Variants in KIAA0513 observed in about 807,000 individuals in gnomAD.
The protein encoded by KIAA0513 is uncharacterized protein KIAA0513.
A neutral mutation model predicts 56.5 loss-of-function variants in KIAA0513; 39 were observed. The observed-to-expected ratio is 0.69, with a 90% CI of 0.53 to 0.90. The LOEUF is 0.90. KIAA0513 is among the 40% of genes least tolerant of loss of function. The pLI is 0.00. For synonymous variants in KIAA0513, 268 were observed against 215.6 expected (o/e 1.24, Z -2.13); for missense variants, 591 against 535.2 (o/e 1.10, Z -1.03).
chr16:85,065,595 C>T (rs1372728254), intron 1 of KIAA0513, among the ~76,000 whole-genome samples: 1 of 152,250 alleles, frequency 6.6e-6, no homozygotes, highest in African/African-American at 2.4e-5. Flanking sequence ...GAGCATTAAG[C>T]TCTTAAGAGG....
At chr16:85,030,963 C>T (rs751142497) in intron 1 of KIAA0513, among the ~76,000 whole-genome samples, 3 of 152,082 alleles carry the variant, frequency 2.0e-5, no homozygotes, top group Non-Finnish European at 4.4e-5. Flanking sequence ...TGGAATGAAA[C>T]AGGTGATAGT....
At chr16:85,083,803 G>T (rs1378573105) in intron 10 of KIAA0513, among the ~76,000 whole-genome samples, 1 of 152,222 alleles carries the variant, frequency 6.6e-6, no homozygotes, top group African/African-American at 2.4e-5. Context: ...GTGGCAGGGG[G>T]CGAGGTTGGC....
intron 1 of KIAA0513, among the ~76,000 whole-genome samples, chr16:85,042,132 T>C (rs1346065037): frequency 1.3e-5 from 2 of 152,210 alleles, no homozygotes; most frequent in African/African-American, 4.8e-5. Context: ...ATAATTATTG[T>C]AATAACATTC....
chr16:85,088,059 C>T (rs1046681270), intron 12 of KIAA0513, among the ~76,000 whole-genome samples: 4 of 152,262 alleles, frequency 2.6e-5, no homozygotes, highest in African/African-American at 7.2e-5. Context: ...CCACAGGCGG[C>T]GTGCTGGCCA....
At chr16:85,061,522 C>G (rs1043237838) in intron 1 of KIAA0513, among the ~76,000 whole-genome samples, 1 of 152,148 alleles carries the variant, frequency 6.6e-6, no homozygotes, top group South Asian at 2.1e-4. Flanking sequence ...TTTGCACACT[C>G]TGGGTGAGAG....
chr16:85,078,308 C>G (rs1011498055), intron 6 of KIAA0513, 107 bp from the exon 7 acceptor site: 18 of 1,151,494 alleles, frequency 1.6e-5, no homozygotes, highest in African/African-American at 3.1e-5. Context: ...CAGAGCAAGC[C>G]GTATTAAATG....
At chr16:85,038,532 C>T (rs1420384312) in intron 1 of KIAA0513, among the ~76,000 whole-genome samples, 1 of 151,886 alleles carries the variant, frequency 6.6e-6, no homozygotes, top group Non-Finnish European at 1.5e-5. Flanking sequence ...CACAGTGAAA[C>T]TCCATGTCTA....
Position 85,088,369 on chromosome 16 carries a change from A to C in KIAA0513, c.*44A>C. On this transcript the variant is annotated 3_prime_UTR_variant, in exon 13 of 13. Coordinates refer to ENST00000683363, the MANE Select transcript of KIAA0513 (RefSeq NM_001388359.1). ...CGCAGGAGGACTGAGGCCATGTGCC[A>C]TTCTCCCGGGCCCAGCGCCCGGCCG... is the stretch of plus-strand genomic sequence containing the variant. 6.3e-7 allele frequency: 1 copy of C among 1,575,280 alleles called. No homozygotes were observed.
Position 85,082,558 on chromosome 16 carries a change from C to T in KIAA0513, c.981-6C>T, listed in dbSNP as rs780463959. ...CTTTGTTTACCTGTTTCTGCTGCCG[C>T]TCCAGAGGGGATGCTGGAGAGGAGG... On this transcript the variant is annotated splice_polypyrimidine_tract_variant and splice_region_variant and intron_variant, in intron 9 of 12. Transcript: ENST00000683363. 6.2e-7 allele frequency: 1 copy of T among 1,614,072 alleles called. No individual in the cohort carries two copies. The highest frequency in any genetic ancestry group is 8.5e-7 in the Non-Finnish European group (1 of 1,179,974).
At chr16:85,031,526 C>T (rs1464340845) in intron 1 of KIAA0513, among the ~76,000 whole-genome samples, 1 of 152,144 alleles carries the variant, frequency 6.6e-6, no homozygotes, top group Admixed American at 6.6e-5. Context: ...CTTGTCTGTC[C>T]CCAGCAGCTT....
intron 4 of KIAA0513, among the ~76,000 whole-genome samples, chr16:85,074,035 TG>T (rs2073619156): frequency 6.6e-6 from 1 of 152,074 alleles, no homozygotes; most frequent in African/African-American, 2.4e-5. Context: ...TGGAGTGCAG[TG>T]GGATCTCAGC....
At chr16:85,087,652 G>A (rs1050742081) in intron 12 of KIAA0513, among the ~76,000 whole-genome samples, 3 of 152,144 alleles carry the variant, frequency 2.0e-5, no homozygotes, top group Non-Finnish European at 4.4e-5. Context: ...TGACATTGGC[G>A]CCCCCCTTGC....
In KIAA0513 at chr16:85,081,262, G is replaced by T. The variant is rs117472493; in HGVS notation, c.903-53G>T. On this transcript the variant is annotated intron_variant, in intron 8 of 12. Coordinates refer to ENST00000683363, the MANE Select transcript of KIAA0513 (RefSeq NM_001388359.1). The surrounding 1 kb of genome is among the most constrained non-coding windows in gnomAD (Gnocchi z 4.4). ...TTATCCCTCAAGGGGCCCACAACCC[G>T]TGTCCTCCCCGCCTCCCCTTGGAGA... The T allele has an allele frequency of 6.5e-7, 1 of 1,550,096 alleles. No homozygotes were observed. The highest frequency in any genetic ancestry group is 2.2e-5 in the East Asian group (1 of 44,538).
chr16:85,084,431 T>C (rs1266817882), intron 10 of KIAA0513, among the ~76,000 whole-genome samples: 3 of 81,164 alleles, frequency 3.7e-5, no homozygotes, highest in South Asian at 4.9e-4. Flanking sequence ...TTCGTTCTCT[T>C]TTTTTTTTTT....
intron 1 of KIAA0513, among the ~76,000 whole-genome samples, chr16:85,062,118 G>A (rs546472082): frequency 1.7e-4 from 26 of 152,068 alleles, no homozygotes; most frequent in African/African-American, 4.6e-4. Flanking sequence ...CCTTCAGATC[G>A]TCTCTGTAGC....
rs1428566350 is a variant in KIAA0513 at position 85,078,957 on chromosome 16, G to C, written c.856G>C (p.Gly286Arg). 8 of 1,614,138 alleles carry C rather than the reference G, an allele frequency of 5.0e-6. No homozygotes were observed. Among genetic ancestry groups the C allele is most frequent in the Non-Finnish European group, 5.1e-6 (6 of 1,180,030 alleles). The change falls in exon 8 of 13, where the codon GGG becomes CGG. Residue 286 changes from glycine (G) to arginine (R), a missense_variant. Coordinates refer to ENST00000683363, the MANE Select transcript of KIAA0513 (RefSeq NM_001388359.1). ...GTACAGCCCCGAGGACGAAAAGAAGGGGGAGAAGATCTACCTGTACACGCA... is the reference window on the plus strand; with the variant it reads ...GTACAGCCCCGAGGACGAAAAGAAGCGGGAGAAGATCTACCTGTACACGCA... ...TAYSPEDEKK[G>R]EKIYLYTHLK...
chr16:85,040,347 A>G (rs1359066339), intron 1 of KIAA0513, among the ~76,000 whole-genome samples: 1 of 152,052 alleles, frequency 6.6e-6, no homozygotes, highest in African/African-American at 2.4e-5. Context: ...CCCAGCCCAA[A>G]TATTAACAGT....
At chr16:85,039,690 C>T (rs2073080256) in intron 1 of KIAA0513, among the ~76,000 whole-genome samples, 1 of 152,096 alleles carries the variant, frequency 6.6e-6, no homozygotes, top group African/African-American at 2.4e-5. Context: ...CCAGGCTGGT[C>T]TTGAACTCCT....
intron 1 of KIAA0513, among the ~76,000 whole-genome samples, chr16:85,035,978 CAAAAAAAAA>C (rs898368153): frequency 1.8e-5 from 1 of 55,120 alleles, no homozygotes; most frequent in Non-Finnish European, 3.8e-5. Flanking sequence ...GACTCCGTCC[CAAAAAAAAA>C]AAAAAAAAAA....
Sources: gnomAD v4.1 joint callset for allele counts (sites outside exome capture counted in the v4.1 genomes callset) on GRCh38, gnomAD v4.1.1 for gene constraint, Gnocchi (gnomAD v3.1) non-coding constraint, MANE v1.5 for transcripts, NCBI Gene and HGNC (gene_info 2026-07-23, HGNC 2026-07-21) for gene names.